CYRIB: variants seen among roughly 807,000 people sequenced by gnomAD.
CYRIB encodes the protein CYFIP-related Rac1 interactor B.
A neutral mutation model predicts 44.2 loss-of-function variants in CYRIB; 8 were observed. The ratio of observed to expected loss-of-function variants is 0.18; its 90% CI spans 0.11 to 0.33. The LOEUF is 0.33. CYRIB is among the 10% of genes least tolerant of loss of function. The probability of loss-of-function intolerance (pLI) is 1.00; values close to 1 mark genes in which losing one functional copy is unlikely to be tolerated. For missense variants in CYRIB, 185 were observed against 382.8 expected (o/e 0.48, Z 4.31); for synonymous variants, 131 against 127.2 (o/e 1.03, Z -0.20).
intron 3 of CYRIB, 21 bp from the exon 6 acceptor site, chr8:129,871,517 A>C (rs2057197499): frequency 6.2e-7 from 1 of 1,602,070 alleles, no homozygotes; most frequent in African/African-American, 1.3e-5. Flanking sequence ...GGAAAGCACA[A>C]GAAAATTTAC....
intron 11 of CYRIB, chr8:129,844,519 C>T (rs1369642878): frequency 6.6e-6 from 1 of 152,124 alleles, no homozygotes; most frequent in Admixed American, 6.6e-5. Context: ...ATAAAGAAGA[C>T]AATTATCTAC....
At chr8:129,906,134 G>A (rs1000902190) in intron 1 of CYRIB, among the ~76,000 whole-genome samples, 8 of 151,956 alleles carry the variant, frequency 5.3e-5, no homozygotes, top group East Asian at 1.9e-4. Flanking sequence ...AAAAGAGCCC[G>A]CATCACCAAG....
intron 1 of CYRIB, among the ~76,000 whole-genome samples, chr8:129,918,996 T>C (rs982447892): frequency 1.3e-5 from 2 of 152,194 alleles, no homozygotes; most frequent in African/African-American, 4.8e-5. Flanking sequence ...CTAAGGTGTG[T>C]CCACCACCGT....
chr8:130,006,804 T>G (rs1237224797), intron 1 of CYRIB, among the ~76,000 whole-genome samples: 2 of 149,564 alleles, frequency 1.3e-5, no homozygotes, highest in African/African-American at 5.0e-5. Flanking sequence ...AGGTCACATA[T>G]AGAAAATGGG....
chr8:129,886,892 T>G (rs1431822900), intron 2 of CYRIB, among the ~76,000 whole-genome samples: 3 of 152,162 alleles, frequency 2.0e-5, no homozygotes, highest in Non-Finnish European at 4.4e-5. Flanking sequence ...AGCCTCCTCC[T>G]ACAATCTCTT....
rs1359122569 is a variant in CYRIB, at chr8:130,006,607, C to CACACACATATATATGTATATATATATAT, written c.-296+9762_-296+9763insATATATATATATACATATATATGTGTGT. Reference sequence around the variant, plus strand: ...TAAAAACACAAATTATATATATATACATATATATGTGTATATATATACATA... The same window carrying CACACACATATATATGTATATATATATAT: ...TAAAAACACAAATTATATATATATACACACACATATATATGTATATATATATATATATATATGTGTATATATATACATA... On this transcript the variant is annotated intron_variant, in intron 1 of 14. Transcript: ENST00000401979. Among the ~76,000 whole-genome samples the CACACACATATATATGTATATATATATAT allele has an allele frequency of 1.8e-3, 13 of 7,120 alleles. 1 individual carries two copies. Among genetic ancestry groups the CACACACATATATATGTATATATATATAT allele is most frequent in the African/African-American group, 4.1e-3 (10 of 2,444 alleles). The allele number at this position is 7,120 out of a possible 152,430, so 4.7% of individuals were successfully genotyped here. A position where few individuals can be genotyped will look rare whatever the true frequency, so the allele number is the denominator to read the frequency against.
chr8:129,905,512 T>A lies in CYRIB; in HGVS notation c.-49-2162A>T, dbSNP rs572745337. Among the ~76,000 whole-genome samples the A allele has an allele frequency of 3.3e-5, 5 of 152,356 alleles. No individual in the cohort carries two copies. The East Asian group carries it at 9.6e-4, about 29-fold the overall frequency. ...GATTACAATCTTTCACTTTTCTCTATGAGTTAGTTCACAAATGGGAGTCAC... is the reference window on the plus strand; with the variant it reads ...GATTACAATCTTTCACTTTTCTCTAAGAGTTAGTTCACAAATGGGAGTCAC... On this transcript the variant is annotated intron_variant, in intron 1 of 11. Coordinates refer to ENST00000519824, the Ensembl canonical transcript of CYRIB.
intron 1 of CYRIB, among the ~76,000 whole-genome samples, chr8:129,989,246 C>A (rs778343197): frequency 9.9e-5 from 15 of 152,098 alleles, no homozygotes; most frequent in Non-Finnish European, 1.8e-4. Flanking sequence ...ACGACTGGAG[C>A]CTTCCAGGCG....
intron 4 of CYRIB, among the ~76,000 whole-genome samples, chr8:129,863,509 A>G (rs1476475718): frequency 6.6e-6 from 1 of 151,592 alleles, no homozygotes; most frequent in Non-Finnish European, 1.5e-5. Context: ...TGGGTGATAG[A>G]GCGAGACTCT....
chr8:129,872,749 C>T lies in CYRIB; in HGVS notation c.74-1253G>A, dbSNP rs182188982. Among the ~76,000 whole-genome samples the T allele has an allele frequency of 1.4e-3, 220 of 152,086 alleles. 1 individual carries two copies. Among genetic ancestry groups the T allele is most frequent in the African/African-American group, 5.0e-3 (208 of 41,512 alleles). On this transcript the variant is annotated intron_variant, in intron 3 of 11. Coordinates refer to ENST00000519824, the Ensembl canonical transcript of CYRIB. ...TAAGAACGTTTTTAATACTATCACA[C>T]TGGTCTTTTAAGTTTAAAAATATTT... is the stretch of plus-strand genomic sequence containing the variant.
intron 7 of CYRIB, 49 bp downstream of exon 9, chr8:129,854,217 G>A (rs1169116069): frequency 2.3e-6 from 3 of 1,308,282 alleles, no homozygotes; most frequent in Admixed American, 3.6e-5. Flanking sequence ...TGAACAGGCT[G>A]AGCACTAAGT....
intron 2 of CYRIB, among the ~76,000 whole-genome samples, chr8:129,883,983 C>T (rs1200137748): frequency 6.6e-6 from 1 of 152,140 alleles, no homozygotes; most frequent in African/African-American, 2.4e-5. Context: ...GAGGCGTGGG[C>T]GGATGTGGCA....
At position 129,862,472 on chromosome 8, in the gene CYRIB, T is replaced by C. The variant is rs536335033; in HGVS notation, c.196-138A>G. On this transcript the variant is annotated intron_variant, in intron 4 of 11. Coordinates refer to ENST00000519824, the Ensembl canonical transcript of CYRIB. ...TATAGAATATTGAATCTAGGAGTGT[T>C]GAATATTTTTTTTTTTGAGAGAGCG... 1.3e-4 allele frequency: 98 copies of C among 735,142 alleles called. 1 individual carries two copies. Among genetic ancestry groups the C allele is most frequent in the South Asian group, 1.1e-3 (66 of 57,870 alleles). 45.5% of individuals were successfully genotyped at this position (735,142 alleles called of 1,614,324 possible). A position where few individuals can be genotyped will look rare whatever the true frequency, so the allele number is the denominator to read the frequency against.
chr8:129,893,665 C>T (rs963871448), intron 2 of CYRIB, among the ~76,000 whole-genome samples: 1 of 152,092 alleles, frequency 6.6e-6, no homozygotes, highest in African/African-American at 2.4e-5. Context: ...CAACTTTCCT[C>T]CCCTCCTCTC....
intron 2 of CYRIB, among the ~76,000 whole-genome samples, chr8:129,899,894 T>C (rs1320652289): frequency 6.6e-6 from 1 of 152,184 alleles, no homozygotes; most frequent in Non-Finnish European, 1.5e-5. Context: ...ATGGTCTTTG[T>C]AGTCTCTTTC....
At chr8:129,913,869 C>A (rs1447573223) in intron 1 of CYRIB, among the ~76,000 whole-genome samples, 2 of 152,200 alleles carry the variant, frequency 1.3e-5, no homozygotes, top group Non-Finnish European at 2.9e-5. Flanking sequence ...ATCATTATTA[C>A]TATTGTATAG....
At chr8:129,944,482 C>T (rs1487736939), upstream of CYRIB, among the ~76,000 whole-genome samples, 1 of 152,042 alleles carries the variant, frequency 6.6e-6, no homozygotes, top group Non-Finnish European at 1.5e-5. Flanking sequence ...AATCTTTATC[C>T]ATGTAAATGC....
chr8:129,892,171 G>A (rs2065713008), intron 2 of CYRIB, among the ~76,000 whole-genome samples: 1 of 152,130 alleles, frequency 6.6e-6, no homozygotes, highest in Non-Finnish European at 1.5e-5. Flanking sequence ...TTTGCATCAA[G>A]TACAGACAAA....
chr8:129,971,873 A>C (rs1189970825), intron 1 of CYRIB, among the ~76,000 whole-genome samples: 1 of 152,258 alleles, frequency 6.6e-6, no homozygotes, highest in Non-Finnish European at 1.5e-5. Context: ...GAGAAGTTTC[A>C]TAAAACCACA....
Sources: allele counts gnomAD v4.1 joint callset (sites outside exome capture counted in the v4.1 genomes callset), GRCh38; gene constraint gnomAD v4.1.1; transcripts MANE v1.5; gene names NCBI Gene and HGNC (gene_info 2026-07-23, HGNC 2026-07-21).